Variants in SLC39A14 observed in about 807,000 individuals in gnomAD.
The protein encoded by SLC39A14 is metal cation symporter ZIP14.
In SLC39A14, 19 loss-of-function variants were observed where a neutral mutation model predicts 45.5. The observed-to-expected ratio is 0.42, with a 90% CI of 0.29 to 0.61. The LOEUF is 0.61. Ranked by LOEUF, SLC39A14 falls within the 20% of genes least tolerant of loss-of-function variation. SLC39A14 has a pLI of 0.22. For missense variants in SLC39A14, 447 were observed against 616.5 expected, an observed-to-expected ratio of 0.73 and a Z score of 2.91; for synonymous variants, 264 against 251.3, an observed-to-expected ratio of 1.05 and a Z score of -0.48.
intron 1 of SLC39A14, among the ~76,000 whole-genome samples, chr8:22,396,997 G>A (rs549214592): frequency 7.3e-5 from 11 of 150,350 alleles, no homozygotes; most frequent in Non-Finnish European, 1.3e-4. Context: ...TACTCATTTT[G>A]TTAATTATCA....
intron 2 of SLC39A14, among the ~76,000 whole-genome samples, chr8:22,407,194 C>T (rs1009652929): frequency 6.6e-6 from 1 of 152,228 alleles, no homozygotes; most frequent in East Asian, 1.9e-4. Context: ...TGGGGCTGAT[C>T]GGGCAGCACC....
intron 1 of SLC39A14, among the ~76,000 whole-genome samples, chr8:22,376,122 C>T (rs1563480450): frequency 6.6e-6 from 1 of 152,140 alleles, no homozygotes; most frequent in Admixed American, 6.6e-5. Context: ...AATGTTGGAA[C>T]GCAAAGTGAT....
downstream of SLC39A14, among the ~76,000 whole-genome samples, chr8:22,423,614 C>T (rs370024450): frequency 1.3e-5 from 2 of 152,080 alleles, no homozygotes; most frequent in African/African-American, 2.4e-5. Flanking sequence ...GGATTACAGG[C>T]GTGAGCCACT....
intron 3 of SLC39A14, among the ~76,000 whole-genome samples, chr8:22,410,817 A>C (rs1299005667): frequency 6.6e-6 from 1 of 152,162 alleles, no homozygotes; most frequent in Non-Finnish European, 1.5e-5. Flanking sequence ...AATAAGGCCC[A>C]AGTTGACAGT....
intron 8 of SLC39A14, 116 bp from the exon 9 acceptor site, chr8:22,419,435 TG>T: frequency 1.0e-6 from 1 of 964,938 alleles, no homozygotes; most frequent in Non-Finnish European, 1.6e-6. Context: ...CCGCTGCACC[TG>T]GCCCTGATAA....
intron 1 of SLC39A14, among the ~76,000 whole-genome samples, chr8:22,368,646 C>T (rs1832773667): frequency 1.3e-5 from 2 of 152,198 alleles, no homozygotes; most frequent in African/African-American, 2.4e-5. Flanking sequence ...AAGCGACTCT[C>T]CTGCCTCAGC....
intron 1 of SLC39A14, among the ~76,000 whole-genome samples, chr8:22,379,851 C>T (rs1192495937): frequency 1.3e-5 from 2 of 150,720 alleles, no homozygotes; most frequent in East Asian, 2.0e-4. Context: ...ATCCCTTGAA[C>T]CCGGGAGGCA....
chr8:22,424,389 T>C (rs142030153), downstream of SLC39A14, among the ~76,000 whole-genome samples: 124 of 152,364 alleles, frequency 8.1e-4, no homozygotes, highest in African/African-American at 2.9e-3. Flanking sequence ...TTCAATCTTA[T>C]GACTACCTCC....
At chr8:22,398,216 T>C (rs1247781026) in intron 1 of SLC39A14, 1 of 152,124 alleles carries the variant, frequency 6.6e-6, no homozygotes, top group Non-Finnish European at 1.5e-5. Context: ...CCATCAGCCT[T>C]CTCATAATTT....
At chr8:22,396,307 C>T (rs1345308672) in intron 1 of SLC39A14, among the ~76,000 whole-genome samples, 3 of 147,288 alleles carry the variant, frequency 2.0e-5, no homozygotes, top group African/African-American at 5.0e-5. Context: ...GCGGAGGTTA[C>T]GGTGAGCCGA....
At chr8:22,374,564 C>T (rs1455130588) in intron 1 of SLC39A14, among the ~76,000 whole-genome samples, 2 of 101,842 alleles carry the variant, frequency 2.0e-5, no homozygotes, top group South Asian at 3.4e-4. Context: ...GTACACGTGG[C>T]CCAGAGTGGC....
At chr8:22,424,199 C>G (rs1421448916), downstream of SLC39A14, among the ~76,000 whole-genome samples, 1 of 152,162 alleles carries the variant, frequency 6.6e-6, no homozygotes, top group Non-Finnish European at 1.5e-5. Flanking sequence ...CTTACATAAA[C>G]TTGAAACTTG....
chr8:22,377,461 C>A (rs941943618), intron 1 of SLC39A14, among the ~76,000 whole-genome samples: 5 of 152,164 alleles, frequency 3.3e-5, no homozygotes, highest in Admixed American at 2.0e-4. Context: ...CAGCAGTTAT[C>A]ATTGCTTCTG....
At chr8:22,375,737 C>T (rs1346856879) in intron 1 of SLC39A14, among the ~76,000 whole-genome samples, 1 of 152,208 alleles carries the variant, frequency 6.6e-6, no homozygotes, top group Non-Finnish European at 1.5e-5. Flanking sequence ...ATCTACCCGC[C>T]TTGGCTTACC....
intron 1 of SLC39A14, among the ~76,000 whole-genome samples, chr8:22,384,744 T>TG (rs71544896): frequency 1.7e-5 from 2 of 117,292 alleles, no homozygotes; most frequent in Non-Finnish European, 3.4e-5. Context: ...GAGACTGTCT[T>TG]AAAAAAAAAA....
rs548849616 is a variant in SLC39A14 at position 22,404,045 on chromosome 8, C to T, written c.-15-651C>T. On this transcript the variant is annotated intron_variant, in intron 1 of 8. Coordinates refer to ENST00000381237, the MANE Select transcript of SLC39A14 (RefSeq NM_001128431.4). ...TCTCATCCACACCCGTGTGCTCATACCCCCTCCTTTATTATTTTGAAGCAG... is the reference window on the plus strand; with the variant it reads ...TCTCATCCACACCCGTGTGCTCATATCCCCTCCTTTATTATTTTGAAGCAG... Among the ~76,000 whole-genome samples the T allele has an allele frequency of 2.0e-5, 3 of 152,286 alleles. No individual in the cohort carries two copies. The South Asian group carries it at 6.2e-4, about 32-fold the overall frequency.
chr8:22,403,588 T>C (rs555114366), intron 1 of SLC39A14, among the ~76,000 whole-genome samples: 1 of 151,862 alleles, frequency 6.6e-6, no homozygotes, highest in East Asian at 2.0e-4. Flanking sequence ...CGATGTTTAT[T>C]TTTTAATAGC....
intron 8 of SLC39A14, among the ~76,000 whole-genome samples, chr8:22,430,567 C>A (rs1208684578): frequency 6.6e-6 from 1 of 152,140 alleles, no homozygotes; most frequent in East Asian, 1.9e-4. Flanking sequence ...CCTGTGGAAC[C>A]ACCAAATGTG....
At chr8:22,416,958 C>G (rs911393740) in intron 7 of SLC39A14, among the ~76,000 whole-genome samples, 11 of 152,160 alleles carry the variant, frequency 7.2e-5, no homozygotes, top group Non-Finnish European at 2.9e-5. Context: ...AGTAAAGGCT[C>G]TCTTTTGTAG....
Sources: allele counts gnomAD v4.1 joint callset (sites outside exome capture counted in the v4.1 genomes callset), GRCh38; gene constraint gnomAD v4.1.1; transcripts MANE v1.5; gene names NCBI Gene and HGNC (gene_info 2026-07-23, HGNC 2026-07-21).